Variants in ANXA8 observed in about 807,000 individuals in gnomAD.
The protein encoded by ANXA8 is VAC-beta.
ANXA8 carries 9 observed loss-of-function variants against 26.8 expected under a neutral mutation model. The ratio of observed to expected loss-of-function variants is 0.34; its 90% CI spans 0.20 to 0.59. The LOEUF (loss-of-function observed/expected upper bound fraction) is 0.59, where lower values mean the gene tolerates loss of function less well. ANXA8 is among the 20% of genes least tolerant of loss of function. The pLI is 0.84. For missense variants in ANXA8, 83 were observed against 238.5 expected, an observed-to-expected ratio of 0.35 and a Z score of 4.29; for synonymous variants, 39 against 94.8, an observed-to-expected ratio of 0.41 and a Z score of 3.42.
chr10:47,498,049 C>A, the ANXA8 span, among the ~76,000 whole-genome samples: 7 of 150,682 alleles, frequency 4.6e-5, no homozygotes, highest in Non-Finnish European at 1.0e-4. Context: ...CAAGGAGAGC[C>A]CTTGGGTTGG....
At chr10:47,709,261 A>G in the ANXA8 span, among the ~76,000 whole-genome samples, 1 of 146,354 alleles carries the variant, frequency 6.8e-6, no homozygotes, top group South Asian at 2.1e-4. Flanking sequence ...CACCTGTTAC[A>G]TCCCTTTTCT....
the ANXA8 span, among the ~76,000 whole-genome samples, chr10:47,742,983 T>G: frequency 8.4e-6 from 1 of 118,762 alleles, no homozygotes; most frequent in African/African-American, 3.1e-5. Context: ...TGAAACCCCG[T>G]CTCTACTAAA....
chr10:47,553,314 G>C, the ANXA8 span: 1 of 152,250 alleles, frequency 6.6e-6, no homozygotes, highest in Non-Finnish European at 1.5e-5. Flanking sequence ...CTCTCCCAAC[G>C]ACCCCCGGGC....
chr10:47,756,301 G>GCCTCCTA, the ANXA8 span: 1 of 192,090 alleles, frequency 5.2e-6, no homozygotes, highest in South Asian at 2.8e-4. Flanking sequence ...CCGGCTAGGA[G>GCCTCCTA]GGCACGTGCC....
the ANXA8 span, among the ~76,000 whole-genome samples, chr10:47,631,536 C>T: frequency 6.6e-6 from 1 of 150,718 alleles, no homozygotes; most frequent in African/African-American, 2.5e-5. Context: ...GATGACAAAG[C>T]CACATGTGAG....
the ANXA8 span, among the ~76,000 whole-genome samples, chr10:47,661,232 CTA>C: frequency 2.0e-5 from 2 of 100,060 alleles, no homozygotes; most frequent in South Asian, 6.5e-4. Context: ...ACACCCAACA[CTA>C]TATAAAATTG....
chr10:47,618,189 G>T, the ANXA8 span, among the ~76,000 whole-genome samples: 29 of 109,266 alleles, frequency 2.7e-4, no homozygotes, highest in Admixed American at 2.1e-3. Context: ...GAACATGAAA[G>T]CCCTTGTGTT....
At chr10:47,915,244 CA>C in the ANXA8 span, among the ~76,000 whole-genome samples, 3,872 of 140,368 alleles carry the variant, frequency 0.028, no homozygotes, top group Middle Eastern at 0.058. Context: ...GCAACATCTA[CA>C]CAAGCCTGGA....
At chr10:47,777,553 A>G in the ANXA8 span, among the ~76,000 whole-genome samples, 22 of 152,180 alleles carry the variant, frequency 1.4e-4, no homozygotes, top group African/African-American at 5.3e-4. Context: ...TAAGATAAAC[A>G]TGGTGGGAAA....
At chr10:47,490,111 C>T in the ANXA8 span, among the ~76,000 whole-genome samples, 4 of 150,964 alleles carry the variant, frequency 2.6e-5, no homozygotes, top group Admixed American at 1.3e-4. Flanking sequence ...GATGTGCTAG[C>T]GCCTGCCTCA....
At chr10:47,957,374 C>A in the ANXA8 span, among the ~76,000 whole-genome samples, 5 of 150,418 alleles carry the variant, frequency 3.3e-5, no homozygotes, top group South Asian at 8.3e-4. Flanking sequence ...AAAACATTTT[C>A]TTTCATTCCT....
At chr10:47,627,027 AAAT>A in the ANXA8 span, among the ~76,000 whole-genome samples, 5 of 149,462 alleles carry the variant, frequency 3.3e-5, no homozygotes, top group East Asian at 9.6e-4. Flanking sequence ...TTCTTGCTGG[AAAT>A]AATAATCAGA....
the ANXA8 span, among the ~76,000 whole-genome samples, chr10:47,966,121 G>A: frequency 7.3e-6 from 1 of 137,222 alleles, no homozygotes; most frequent in African/African-American, 2.6e-5. Context: ...CCCCATCTAG[G>A]GCAAAGGAGT....
the ANXA8 span, among the ~76,000 whole-genome samples, chr10:47,756,565 A>G: frequency 6.8e-6 from 1 of 147,412 alleles, no homozygotes; most frequent in Non-Finnish European, 1.5e-5. Flanking sequence ...GGGCCCCTTA[A>G]ACACCTTGTA....
the ANXA8 span, among the ~76,000 whole-genome samples, chr10:47,772,390 C>T: frequency 6.6e-6 from 1 of 152,264 alleles, no homozygotes; most frequent in Admixed American, 6.5e-5. Flanking sequence ...ACTCACATCC[C>T]TCATCTTATC....
At chr10:47,936,668 GC>G in the ANXA8 span, among the ~76,000 whole-genome samples, 2 of 135,316 alleles carry the variant, frequency 1.5e-5, no homozygotes, top group Non-Finnish European at 3.2e-5. Context: ...AGGGCTGATG[GC>G]CAGAGTTCTG....
chr10:47,503,740 A>G, the ANXA8 span, among the ~76,000 whole-genome samples: 3 of 131,192 alleles, frequency 2.3e-5, no homozygotes, highest in Non-Finnish European at 3.1e-5. Flanking sequence ...CCTGGCCAAC[A>G]TGGTGAAACC....
chr10:47,957,179 C>T, the ANXA8 span, among the ~76,000 whole-genome samples: 9 of 150,130 alleles, frequency 6.0e-5, no homozygotes, highest in South Asian at 6.3e-4. Context: ...CTCTGTGCTC[C>T]GATTCTGACA....
the ANXA8 span, among the ~76,000 whole-genome samples, chr10:47,776,143 T>C: frequency 6.6e-6 from 1 of 151,830 alleles, no homozygotes. Context: ...GAGGGAGCAA[T>C]GGCTATTTCT....
Sources: gnomAD v4.1 joint callset for allele counts (sites outside exome capture counted in the v4.1 genomes callset) on GRCh38, gnomAD v4.1.1 for gene constraint, MANE v1.5 for transcripts, NCBI Gene and HGNC (gene_info 2026-07-23, HGNC 2026-07-21) for gene names.